The following RAB38 variants were observed in gnomAD, a reference collection of about 807,000 sequenced individuals.
The protein encoded by RAB38 is RAB38, member RAS oncogene family, also known as ras-related protein Rab-38.
Under a neutral mutation model 18.4 loss-of-function variants are expected in RAB38, and 15 were observed. The ratio of observed to expected loss-of-function variants is 0.82; its 90% CI spans 0.55 to 1.26. RAB38 has a LOEUF of 1.26. RAB38 is among the 50% of genes most tolerant of loss of function. RAB38 has a pLI of 0.00. For synonymous variants in RAB38, 101 were observed against 104.4 expected (o/e 0.97, Z 0.20); for missense variants, 294 against 267.4 (o/e 1.10, Z -0.69).
the RAB38 span, among the ~76,000 whole-genome samples, chr11:88,019,596 A>G: frequency 6.6e-6 from 1 of 152,176 alleles, no homozygotes; most frequent in African/African-American, 2.4e-5. Context: ...AGTTCTTAAA[A>G]TGGCTCACAA....
the RAB38 span, among the ~76,000 whole-genome samples, chr11:87,877,221 T>G: frequency 6.6e-6 from 1 of 151,488 alleles, no homozygotes; most frequent in Non-Finnish European, 1.5e-5. Flanking sequence ...AAAGCCATAG[T>G]GGAAAGGGCC....
the RAB38 span, among the ~76,000 whole-genome samples, chr11:88,094,962 C>T: frequency 6.6e-6 from 1 of 151,796 alleles, no homozygotes. Flanking sequence ...AATACACTGC[C>T]TTCCCACCAG....
At chr11:88,098,134 T>C in the RAB38 span, 1 of 151,928 alleles carries the variant, frequency 6.6e-6, no homozygotes, top group African/African-American at 2.4e-5. Context: ...TATTTGGTGG[T>C]GGCTTCCTGG....
chr11:87,872,830 T>C, the RAB38 span, among the ~76,000 whole-genome samples: 3 of 151,770 alleles, frequency 2.0e-5, no homozygotes, highest in East Asian at 3.9e-4. Flanking sequence ...TGCATGAATG[T>C]GTCCCAGATT....
At chr11:88,036,562 C>T in the RAB38 span, among the ~76,000 whole-genome samples, 1 of 152,084 alleles carries the variant, frequency 6.6e-6, no homozygotes, top group Non-Finnish European at 1.5e-5. Flanking sequence ...CTCACAATTT[C>T]TGTGCATTTC....
At chr11:88,045,784 C>A in the RAB38 span, among the ~76,000 whole-genome samples, 15 of 152,156 alleles carry the variant, frequency 9.9e-5, no homozygotes. Context: ...CTCCACATTA[C>A]CTTCTTTTCA....
the RAB38 span, among the ~76,000 whole-genome samples, chr11:87,825,279 A>T: frequency 6.6e-6 from 1 of 152,210 alleles, no homozygotes; most frequent in South Asian, 2.1e-4. Context: ...GGAGTTCAGA[A>T]AAAAGAGTCC....
At chr11:88,083,466 T>G in the RAB38 span, among the ~76,000 whole-genome samples, 1 of 151,892 alleles carries the variant, frequency 6.6e-6, no homozygotes, top group African/African-American at 2.4e-5. Flanking sequence ...TATTTAAAAA[T>G]CACTGGCATT....
At chr11:88,067,661 C>A in the RAB38 span, among the ~76,000 whole-genome samples, 2 of 152,072 alleles carry the variant, frequency 1.3e-5, no homozygotes, top group Non-Finnish European at 2.9e-5. Context: ...TCAGAGTTCA[C>A]ATGTTAGTCT....
the RAB38 span, among the ~76,000 whole-genome samples, chr11:87,845,318 G>A: frequency 6.6e-6 from 1 of 152,012 alleles, no homozygotes; most frequent in Non-Finnish European, 1.5e-5. Flanking sequence ...TTTATAAATT[G>A]TAAAAAATAA....
chr11:87,976,161 T>G, the RAB38 span, among the ~76,000 whole-genome samples: 885 of 148,326 alleles, frequency 6.0e-3, 5 homozygotes, highest in African/African-American at 0.02. Flanking sequence ...TATATATACC[T>G]TTATGTATAT....
the RAB38 span, among the ~76,000 whole-genome samples, chr11:87,935,451 G>T: frequency 1.3e-5 from 2 of 151,940 alleles, no homozygotes; most frequent in Non-Finnish European, 1.5e-5. Flanking sequence ...TTTTCACACA[G>T]ATTTCTGTAG....
chr11:88,100,536 G>A, the RAB38 span, among the ~76,000 whole-genome samples: 1 of 151,936 alleles, frequency 6.6e-6, no homozygotes, highest in Non-Finnish European at 1.5e-5. Flanking sequence ...CTGGCTCCCT[G>A]CTGTGATTAA....
the RAB38 span, among the ~76,000 whole-genome samples, chr11:87,828,944 T>C: frequency 6.6e-6 from 1 of 152,310 alleles, no homozygotes; most frequent in Non-Finnish European, 1.5e-5. Context: ...AAAGGCAAAC[T>C]CTATAACAAT....
chr11:88,022,621 A>AC, the RAB38 span, among the ~76,000 whole-genome samples: 1,902 of 149,652 alleles, frequency 0.013, 63 homozygotes, highest in African/African-American at 0.044. Flanking sequence ...CAAAAAAAAA[A>AC]AAAAAAAAAA....
At chr11:87,806,399 CT>C in the RAB38 span, among the ~76,000 whole-genome samples, 1 of 152,056 alleles carries the variant, frequency 6.6e-6, no homozygotes, top group Admixed American at 6.6e-5. Context: ...AAAGAGCTCC[CT>C]GAGGTCTCTT....
chr11:87,956,605 TTAA>T, the RAB38 span, among the ~76,000 whole-genome samples: 3 of 152,070 alleles, frequency 2.0e-5, no homozygotes, highest in Middle Eastern at 3.2e-3. Flanking sequence ...TGGGAACTAA[TTAA>T]TAATTTGTGG....
chr11:88,028,272 A>G, the RAB38 span, among the ~76,000 whole-genome samples: 21 of 152,140 alleles, frequency 1.4e-4, no homozygotes, highest in Admixed American at 3.9e-4. Context: ...AACCACAAAG[A>G]TGGGGAAAAA....
the RAB38 span, among the ~76,000 whole-genome samples, chr11:88,064,653 T>A: frequency 2.0e-5 from 3 of 152,244 alleles, no homozygotes; most frequent in Admixed American, 6.5e-5. Flanking sequence ...AGATTTATGT[T>A]TTGGATAAAA....
Sources: allele counts gnomAD v4.1 joint callset (sites outside exome capture counted in the v4.1 genomes callset), GRCh38; gene constraint gnomAD v4.1.1; transcripts MANE v1.5; gene names NCBI Gene and HGNC (gene_info 2026-07-23, HGNC 2026-07-21).